Variants in CREM observed in about 807,000 individuals in gnomAD.
The protein encoded by CREM is cAMP-responsive element modulator.
In CREM, 13 loss-of-function variants were observed where a neutral mutation model predicts 37.3. The ratio of observed to expected loss-of-function variants is 0.35; its 90% CI spans 0.23 to 0.55. The LOEUF (loss-of-function observed/expected upper bound fraction) is 0.55, where lower values mean the gene tolerates loss of function less well. CREM is among the 20% of genes least tolerant of loss of function. The pLI, the probability that CREM is intolerant of heterozygous loss-of-function variation, is 0.88. For synonymous variants in CREM, 124 were observed against 120.2 expected, an observed-to-expected ratio of 1.03 and a Z score of -0.21; for missense variants, 296 against 362.3, an observed-to-expected ratio of 0.82 and a Z score of 1.49.
At chr10:35,177,023 T>G (rs945104914) in intron 3 of CREM, among the ~76,000 whole-genome samples, 4 of 152,318 alleles carry the variant, frequency 2.6e-5, no homozygotes, top group African/African-American at 9.6e-5. Flanking sequence ...TTGTTCATTT[T>G]TAAGGTCAGT....
chr10:35,200,628 A>G (rs1286516631), intron 6 of CREM, among the ~76,000 whole-genome samples: 2 of 152,102 alleles, frequency 1.3e-5, no homozygotes, highest in South Asian at 2.1e-4. Context: ...GGATCTGGGT[A>G]TTAGGAGCAG....
chr10:35,182,899 GGA>G (rs750304058), intron 5 of CREM, among the ~76,000 whole-genome samples: 1 of 152,222 alleles, frequency 6.6e-6, no homozygotes, highest in Non-Finnish European at 1.5e-5. Context: ...AGAGATGGCG[GGA>G]GAGAGACAGC....
intron 3 of CREM, among the ~76,000 whole-genome samples, chr10:35,155,773 G>A (rs561819520): frequency 2.1e-4 from 32 of 151,820 alleles, no homozygotes; most frequent in Middle Eastern, 3.4e-3. Context: ...GACTACAGGC[G>A]CGTGCCACCA....
intron 6 of CREM, among the ~76,000 whole-genome samples, chr10:35,200,077 C>T (rs2095339165): frequency 6.6e-6 from 1 of 151,922 alleles, no homozygotes; most frequent in Admixed American, 6.6e-5. Flanking sequence ...TTAGTAGAGA[C>T]AGGGTTTCAC....
At chr10:35,207,663 A>C (rs1034497908) in intron 7 of CREM, among the ~76,000 whole-genome samples, 1 of 151,872 alleles carries the variant, frequency 6.6e-6, no homozygotes, top group Non-Finnish European at 1.5e-5. Flanking sequence ...AATCCCAGCT[A>C]CTCGGGAGGC....
chr10:35,162,112 C>T (rs1213490923), intron 3 of CREM, among the ~76,000 whole-genome samples: 4 of 152,188 alleles, frequency 2.6e-5, no homozygotes, highest in Admixed American at 6.5e-5. Context: ...AATGAAGTGT[C>T]ATTTGCAACA....
At chr10:35,144,348 C>T (rs565546346) in intron 2 of CREM, among the ~76,000 whole-genome samples, 11 of 152,194 alleles carry the variant, frequency 7.2e-5, no homozygotes, top group African/African-American at 2.2e-4. Context: ...TATAGACACA[C>T]GATTCTAGCT....
intron 1 of CREM, among the ~76,000 whole-genome samples, chr10:35,133,320 T>C (rs1250640357): frequency 6.6e-6 from 1 of 151,960 alleles, no homozygotes; most frequent in Non-Finnish European, 1.5e-5. Context: ...TTTTTTTTTT[T>C]TTTTTGAGAC....
Position 35,178,933 on chromosome 10 carries a change from T to TGTAATTGA in CREM, c.214_221dup (p.Asp74GlufsTer2). 1 of 1,613,622 alleles carries TGTAATTGA rather than the reference T, an allele frequency of 6.2e-7. No homozygotes were observed. The highest frequency in any genetic ancestry group is 8.5e-7 in the Non-Finnish European group (1 of 1,179,836). On this transcript the variant is annotated frameshift_variant, in exon 4 of 8. Transcript: ENST00000685392. LOFTEE classifies it high-confidence loss of function. ...CAGATGAATCTGCAGAATCAGAAGG[T>TGTAATTGA]GTAATTGATTCTCATAAACGTAGAG...
intron 6 of CREM, among the ~76,000 whole-genome samples, chr10:35,206,279 T>G (rs1262941323): frequency 6.6e-6 from 1 of 151,648 alleles, no homozygotes; most frequent in African/African-American, 2.4e-5. Flanking sequence ...TGTATAAATA[T>G]GTATATATAT....
At chr10:35,186,942 A>G (rs2094587949) in intron 5 of CREM, among the ~76,000 whole-genome samples, 1 of 99,334 alleles carries the variant, frequency 1.0e-5, no homozygotes, top group Admixed American at 1.6e-4. Context: ...TAAATACAAT[A>G]TAAATTATAT....
At chr10:35,129,664 A>G (rs943355031) in intron 1 of CREM, among the ~76,000 whole-genome samples, 4 of 152,234 alleles carry the variant, frequency 2.6e-5, no homozygotes, top group African/African-American at 9.6e-5. Flanking sequence ...AAAACTGAAC[A>G]GTGCAAACAC....
rs1474186116 is a variant in CREM at position 35,145,104 on chromosome 10, T to TG, written c.45-3263dup. Among the ~76,000 whole-genome samples, 10 of 142,130 alleles carry TG rather than the reference T, an allele frequency of 7.0e-5. No individual in the cohort carries two copies. In the Admixed American group the frequency reaches 7.8e-4, roughly 11 times the overall value. The allele number at this position is 142,130 out of a possible 152,430, so 93.2% of individuals were successfully genotyped here. On this transcript the variant is annotated intron_variant, in intron 2 of 7. Coordinates refer to ENST00000685392, the MANE Select transcript of CREM (RefSeq NM_183011.2). ...TGAACCCAGGAGGCGGAGGTTGCAGTGAGTCCAGATCGCGCCACTGCACTC... is the reference window on the plus strand; with the variant it reads ...TGAACCCAGGAGGCGGAGGTTGCAGTGGAGTCCAGATCGCGCCACTGCACTC...
rs1350280741 is a variant in CREM, at chr10:35,138,487, A to G, written c.44+608A>G. Among the ~76,000 whole-genome samples, 3 of 151,756 alleles carry G rather than the reference A, an allele frequency of 2.0e-5. No homozygotes were observed. The East Asian group carries it at 5.8e-4, about 29-fold the overall frequency. ...GGGTAGTGCACTTCCTCTGCAATGT[A>G]ATTTGTCTTTGAAAATTGGATACAA... On this transcript the variant is annotated intron_variant, in intron 2 of 7. Coordinates refer to ENST00000685392, the MANE Select transcript of CREM (RefSeq NM_183011.2).
At chr10:35,162,578 A>G (rs1024483284) in intron 3 of CREM, among the ~76,000 whole-genome samples, 5 of 152,166 alleles carry the variant, frequency 3.3e-5, no homozygotes, top group African/African-American at 9.7e-5. Flanking sequence ...TTTAAAAGGT[A>G]CATCTCCAAC....
intron 6 of CREM, among the ~76,000 whole-genome samples, chr10:35,198,522 C>CAA (rs1224904326): frequency 3.2e-5 from 3 of 93,110 alleles, no homozygotes; most frequent in Non-Finnish European, 4.5e-5. Flanking sequence ...GACTCCATCT[C>CAA]AAAAAAAAAA....
rs187417913 is a variant in CREM, at chr10:35,148,387, G to C, written c.64G>C (p.Val22Leu). ...TNPRQMTMET[V>L]ESQHDGSITA... ...TTTCAGACAAATGACCATGGAAACA[G>C]TTGAATCCCAGCATGATGGAAGTAT... The change falls in exon 3 of 8, where the codon GTT becomes CTT. Residue 22 changes from valine (V) to leucine (L), a missense_variant. Coordinates refer to ENST00000685392, the MANE Select transcript of CREM (RefSeq NM_183011.2). 1 of 1,612,446 alleles carries C rather than the reference G, an allele frequency of 6.2e-7. No homozygotes were observed. The highest frequency in any genetic ancestry group is 8.5e-7 in the Non-Finnish European group (1 of 1,179,388).
intron 3 of CREM, among the ~76,000 whole-genome samples, chr10:35,175,272 C>T (rs2093999474): frequency 1.3e-5 from 2 of 152,160 alleles, no homozygotes; most frequent in Admixed American, 1.3e-4. Context: ...GGGTGAAACC[C>T]CGTCTCTACT....
intron 3 of CREM, among the ~76,000 whole-genome samples, chr10:35,177,456 C>CTAT (rs1049064976): frequency 1.3e-5 from 2 of 152,170 alleles, no homozygotes; most frequent in African/African-American, 4.8e-5. Flanking sequence ...AAAGTATTGT[C>CTAT]TATTATTATT....
Sources: gnomAD v4.1 joint callset for allele counts (sites outside exome capture counted in the v4.1 genomes callset) on GRCh38, gnomAD v4.1.1 for gene constraint, MANE v1.5 for transcripts, NCBI Gene and HGNC (gene_info 2026-07-23, HGNC 2026-07-21) for gene names.